ABI3BP: variants seen among roughly 807,000 people sequenced by gnomAD.
The protein encoded by ABI3BP is target of Nesh-SH3.
A neutral mutation model predicts 268.6 loss-of-function variants in ABI3BP; 216 were observed. That is an observed-to-expected ratio of 0.80 (90% CI 0.72 to 0.90). The LOEUF (loss-of-function observed/expected upper bound fraction) is 0.90, where lower values mean the gene tolerates loss of function less well. ABI3BP is among the 40% of genes least tolerant of loss of function. ABI3BP has a pLI of 0.00. For synonymous variants in ABI3BP, 730 were observed against 730.0 expected, an observed-to-expected ratio of 1.00 and a Z score of 0.00; for missense variants, 2,090 against 2,182.4, an observed-to-expected ratio of 0.96 and a Z score of 0.84.
intron 2 of ABI3BP, among the ~76,000 whole-genome samples, chr3:100,922,521 T>TGTGATGGTGATG (rs1554129945): frequency 4.9e-5 from 5 of 101,226 alleles, no homozygotes; most frequent in Non-Finnish European, 1.0e-4. Context: ...GGTGATGTGA[T>TGTGATGGTGATG]GCGATGGTGA....
intron 1 of ABI3BP, among the ~76,000 whole-genome samples, chr3:100,977,219 G>C (rs773018153): frequency 6.6e-6 from 1 of 151,990 alleles, no homozygotes; most frequent in African/African-American, 2.4e-5. Flanking sequence ...CATTTAAATA[G>C]TCCTTTAAAA....
intron 14 of ABI3BP, among the ~76,000 whole-genome samples, chr3:100,856,243 AC>A (rs2098938688): frequency 6.6e-6 from 1 of 152,136 alleles, no homozygotes; most frequent in South Asian, 2.1e-4. Flanking sequence ...AAACTTTCTA[AC>A]CAATCTACTA....
At chr3:100,898,654 G>T in intron 4 of ABI3BP, 108 bp downstream of exon 4, 3 of 1,286,302 alleles carry the variant, frequency 2.3e-6, no homozygotes, top group South Asian at 1.6e-5. Context: ...CTCACACCTA[G>T]AACAGGCTGT....
chr3:100,966,131 A>T (rs1373114865), intron 1 of ABI3BP, among the ~76,000 whole-genome samples: 2 of 152,226 alleles, frequency 1.3e-5, no homozygotes, highest in Admixed American at 1.3e-4. Flanking sequence ...TGAAGTGGTC[A>T]CATTGGATTC....
At chr3:100,935,061 T>C (rs1050397024) in intron 1 of ABI3BP, among the ~76,000 whole-genome samples, 80 of 152,168 alleles carry the variant, frequency 5.3e-4, no homozygotes, top group African/African-American at 1.8e-3. Flanking sequence ...CCATGCCAAT[T>C]TCCTGAATCG....
chr3:100,960,639 T>C (rs566032842), intron 1 of ABI3BP, among the ~76,000 whole-genome samples: 4 of 152,292 alleles, frequency 2.6e-5, no homozygotes, highest in South Asian at 4.1e-4. Context: ...GCAGGAGATA[T>C]GAAGCAGAAA....
chr3:100,816,735 G>T lies in ABI3BP; in HGVS notation c.3182C>A (p.Pro1061His), dbSNP rs1386808840. The T allele has an allele frequency of 7.2e-6, 11 of 1,535,724 alleles. No homozygotes were observed. Among genetic ancestry groups the T allele is most frequent in the Admixed American group, 2.0e-5 (1 of 50,960 alleles). The change falls in exon 43 of 68, where the codon CCC becomes CAC. Residue 1061 changes from proline to histidine, a missense_variant. Transcript: ENST00000471714. The stretch of plus-strand genomic sequence containing the variant: ...AGGACTTGATGTAGTTTTGGGTCTG[G>T]GACGGGGACGACGTGTCCGTTGTGT... ...PKTQRTRRPR[P>H]RPKTTSSPEV...
chr3:100,773,842 A>G (rs2096625633), intron 61 of ABI3BP, among the ~76,000 whole-genome samples: 1 of 152,234 alleles, frequency 6.6e-6, no homozygotes, highest in South Asian at 2.1e-4. Context: ...TGACAACAAA[A>G]AGAGTTCATA....
At chr3:100,942,917 C>T (rs999664827) in intron 1 of ABI3BP, among the ~76,000 whole-genome samples, 2 of 152,062 alleles carry the variant, frequency 1.3e-5, no homozygotes, top group Non-Finnish European at 2.9e-5. Flanking sequence ...ATATTCAACA[C>T]AGTATGGAGA....
intron 3 of ABI3BP, among the ~76,000 whole-genome samples, chr3:100,900,662 TAATTA>T (rs1447450952): frequency 6.6e-6 from 1 of 152,092 alleles, no homozygotes; most frequent in Non-Finnish European, 1.5e-5. Context: ...AATATAAAAA[TAATTA>T]AATAATTAAA....
rs150685199 is a variant in ABI3BP, at chr3:100,753,895, C to T, written c.4931-47G>A. On this transcript the variant is annotated intron_variant, in intron 64 of 67. Transcript: ENST00000471714. ...AGTCAGACCTTACTAGGTAAAACCCCAACATTCCAGTGGCATGGTGAAGAT... is the reference window on the plus strand; with the variant it reads ...AGTCAGACCTTACTAGGTAAAACCCTAACATTCCAGTGGCATGGTGAAGAT... 5,430 of 1,574,466 alleles carry T rather than the reference C, an allele frequency of 3.4e-3. 14 individuals are homozygous for T. Among genetic ancestry groups the T allele is most frequent in the Non-Finnish European group, 4.2e-3 (4,868 of 1,154,712 alleles).
intron 1 of ABI3BP, among the ~76,000 whole-genome samples, chr3:100,963,119 A>G (rs954382840): frequency 1.3e-5 from 2 of 152,094 alleles, no homozygotes; most frequent in Non-Finnish European, 2.9e-5. Flanking sequence ...AACCCATTTA[A>G]TCTTCATTAT....
chr3:100,857,862 C>T (rs184269189), intron 14 of ABI3BP, among the ~76,000 whole-genome samples: 1 of 152,314 alleles, frequency 6.6e-6, no homozygotes, highest in Admixed American at 6.5e-5. Context: ...CCCCTTGAAT[C>T]TCCTAGAAGA....
At chr3:100,885,446 T>C (rs1288121803) in intron 6 of ABI3BP, 90 bp downstream of exon 6, 2 of 695,228 alleles carry the variant, frequency 2.9e-6, no homozygotes, top group Non-Finnish European at 4.4e-6. Flanking sequence ...AGTCAGTTAA[T>C]CTAATTTCAG....
intron 4 of ABI3BP, among the ~76,000 whole-genome samples, chr3:100,894,902 G>A (rs1216297191): frequency 1.7e-5 from 2 of 117,606 alleles, no homozygotes; most frequent in African/African-American, 3.3e-5. Flanking sequence ...TCGCGCCTCT[G>A]CACTCCAGCC....
chr3:100,815,731 A>G (rs2098016634), intron 44 of ABI3BP, among the ~76,000 whole-genome samples, 181 bp downstream of exon 44: 1 of 152,198 alleles, frequency 6.6e-6, no homozygotes, highest in Non-Finnish European at 1.5e-5. Context: ...CACTGGGTCC[A>G]GGGACATCTG....
chr3:100,940,829 T>TATACATATAG (rs1244113888), intron 1 of ABI3BP, among the ~76,000 whole-genome samples: 1 of 41,232 alleles, frequency 2.4e-5, no homozygotes, highest in African/African-American at 8.8e-5. Context: ...TATATATATA[T>TATACATATAG]ATGATATGAT....
At position 100,842,928 on chromosome 3, in the gene ABI3BP, T is replaced by C. The variant is rs546206989; in HGVS notation, c.1724-889A>G. 8.4e-4 allele frequency among the ~76,000 whole-genome samples: 128 copies of C among 152,348 alleles called. 1 individual carries two copies. The highest frequency in any genetic ancestry group is 3.0e-3 in the African/African-American group (123 of 41,582). ...AAGAAACTAATCAATGTGGCTTTCA[T>C]AGACCATCTTAATAGAACTGAAGTC... On this transcript the variant is annotated intron_variant, in intron 20 of 67. Coordinates refer to ENST00000471714, the MANE Select transcript of ABI3BP (RefSeq NM_001375547.2).
At chr3:100,756,869 A>T (rs1474037062) in intron 63 of ABI3BP, among the ~76,000 whole-genome samples, 1 of 151,922 alleles carries the variant, frequency 6.6e-6, no homozygotes, top group African/African-American at 2.4e-5. Flanking sequence ...GGGAACTGAA[A>T]GGCACATTTT....
Sources: allele counts gnomAD v4.1 joint callset (sites outside exome capture counted in the v4.1 genomes callset), GRCh38; gene constraint gnomAD v4.1.1; transcripts MANE v1.5; gene names NCBI Gene and HGNC (gene_info 2026-07-23, HGNC 2026-07-21).